The following TUT7 variants were observed in gnomAD, a reference collection of about 807,000 sequenced individuals.
The protein encoded by TUT7 is terminal uridylyltransferase 7.
In TUT7, 33 loss-of-function variants were observed where a neutral mutation model predicts 165.9. The ratio of observed to expected loss-of-function variants is 0.20; its 90% confidence interval spans 0.15 to 0.27. TUT7 has a LOEUF of 0.27. Among genes scored for constraint, TUT7 ranks in the 10% least tolerant of loss-of-function variants. The pLI, the probability that TUT7 is intolerant of heterozygous loss-of-function variation, is 1.00. For missense variants in TUT7, 1,338 were observed against 1,762.3 expected (o/e 0.76, Z 4.31); for synonymous variants, 552 against 608.1 (o/e 0.91, Z 1.36).
At chr9:86,299,034 C>T (rs1003404235) in intron 26 of TUT7, among the ~76,000 whole-genome samples, 2 of 152,176 alleles carry the variant, frequency 1.3e-5, no homozygotes, top group African/African-American at 4.8e-5. Flanking sequence ...CCACGCACCA[C>T]ACCCGCGCAG....
chr9:86,288,786 A>G (rs775872236), intron 26 of TUT7, 42 bp from the exon 27 acceptor site: 20 of 1,522,470 alleles, frequency 1.3e-5, no homozygotes, highest in Non-Finnish European at 1.7e-5. Flanking sequence ...AAATGAAACA[A>G]GCCTCGCTTT....
intron 14 of TUT7, among the ~76,000 whole-genome samples, 163 bp from the exon 15 acceptor site, chr9:86,319,833 T>C (rs565309314): frequency 1.3e-5 from 2 of 152,202 alleles, no homozygotes; most frequent in East Asian, 3.9e-4. Flanking sequence ...AGGTAAAGTT[T>C]GTTTTTTATT....
At chr9:86,325,283 G>A in intron 12 of TUT7, 51 bp downstream of exon 12, 2 of 1,559,436 alleles carry the variant, frequency 1.3e-6, no homozygotes, top group African/African-American at 1.4e-5. Context: ...TGTTAGACTG[G>A]TACCTTTAAA....
Position 86,308,567 on chromosome 9 carries a change from C to T in TUT7, c.3700G>A (p.Val1234Ile), listed in dbSNP as rs2131344082. 2 of 1,613,654 alleles carry T rather than the reference C, an allele frequency of 1.2e-6. No homozygotes were observed. The highest frequency in any genetic ancestry group is 8.5e-7 in the Non-Finnish European group (1 of 1,179,852). Reference sequence around the variant, plus strand: ...AGAAGGCCCAACCATAACTGCCCAACAGATTCTGTATTTTTTCCACATTCT... The same window carrying T: ...AGAAGGCCCAACCATAACTGCCCAATAGATTCTGTATTTTTTCCACATTCT... ...WSECGKNTES[V>I]GQLWLGLLRF... The change falls in exon 22 of 27, where the codon GTT becomes ATT. Residue 1234 changes from valine (V) to isoleucine (I), a missense_variant. Physicochemically the swap from Val to Ile is conservative, Grantham distance 29. This residue lies in a region of TUT7 where 157 missense variants were observed against 357.5 expected (regional missense o/e 0.44). Transcript: ENST00000375963.
intron 11 of TUT7, 117 bp downstream of exon 11, chr9:86,328,223 G>T: frequency 9.5e-7 from 1 of 1,047,728 alleles, no homozygotes; most frequent in Non-Finnish European, 1.3e-6. Context: ...AAACAGACTG[G>T]CAAATGAAAG....
chr9:86,294,041 C>T (rs1042736907), intron 26 of TUT7, among the ~76,000 whole-genome samples: 6 of 152,148 alleles, frequency 3.9e-5, no homozygotes, highest in African/African-American at 7.2e-5. Context: ...CCATGGCGCC[C>T]GGCCGCAAGG....
At chr9:86,344,717 G>GC (rs2131588632) in intron 5 of TUT7, among the ~76,000 whole-genome samples, 1 of 151,702 alleles carries the variant, frequency 6.6e-6, no homozygotes, top group South Asian at 2.1e-4. Flanking sequence ...GTCCCACAGT[G>GC]CCCCAATAAT....
intron 13 of TUT7, 72 bp downstream of exon 13, chr9:86,322,801 A>T: frequency 6.8e-7 from 1 of 1,477,534 alleles, no homozygotes; most frequent in Non-Finnish European, 9.0e-7. Context: ...CCTAGTATAT[A>T]AAAATTGAAA....
In TUT7 at chr9:86,323,172, GTTCTTCTTCCTCCTCCTCTTC is replaced by G; in HGVS notation, c.2557_2577del (p.Glu853_Glu859del). The G allele has an allele frequency of 1.9e-6, 3 of 1,614,136 alleles. No individual in the cohort carries two copies. The highest frequency in any genetic ancestry group is 2.5e-6 in the Non-Finnish European group (3 of 1,180,034). The stretch of plus-strand genomic sequence containing the variant: ...TCCCTTTGGTTAATGGTGAGCCTAG[GTTCTTCTTCCTCCTCCTCTTC>G]TTCGTCGTCCTCCTCCTCTTCATCA... On this transcript the variant is annotated inframe_deletion, in exon 13 of 27. Transcript: ENST00000375963.
At chr9:86,299,802 C>T (rs1826714285) in intron 26 of TUT7, among the ~76,000 whole-genome samples, 1 of 152,038 alleles carries the variant, frequency 6.6e-6, no homozygotes, top group South Asian at 2.1e-4. Flanking sequence ...CTTTGTTGTA[C>T]CAAAGAGGAA....
At position 86,287,788 on chromosome 9, in the gene TUT7, T is replaced by A. The variant is rs1417255563; in HGVS notation, c.*889A>T. The A allele has an allele frequency of 1.3e-5, 2 of 152,076 alleles. No individual in the cohort carries two copies. Among genetic ancestry groups the A allele is most frequent in the Non-Finnish European group, 2.9e-5 (2 of 68,028 alleles). 9.4% of individuals were successfully genotyped at this position (152,076 alleles called of 1,614,324 possible). On this transcript the variant is annotated 3_prime_UTR_variant, in exon 27 of 27. Coordinates refer to ENST00000375963, the MANE Select transcript of TUT7 (RefSeq NM_024617.4). Reference sequence around the variant, plus strand: ...AATGATAAATAAACCGAGGCATAGTTCTGACCAGGTACTATGTCTGCAGGG... The same window carrying A: ...AATGATAAATAAACCGAGGCATAGTACTGACCAGGTACTATGTCTGCAGGG...
chr9:86,291,469 A>G (rs1825887265), intron 26 of TUT7, among the ~76,000 whole-genome samples: 1 of 151,640 alleles, frequency 6.6e-6, no homozygotes, highest in Non-Finnish European at 1.5e-5. Context: ...CATTCGAGAG[A>G]CAGGAGGCAG....
intron 15 of TUT7, 38 bp from the exon 16 acceptor site, chr9:86,319,096 G>A: frequency 1.4e-6 from 2 of 1,439,632 alleles, no homozygotes; most frequent in Non-Finnish European, 1.9e-6. Context: ...CTAATTACCT[G>A]AGTACATTTA....
chr9:86,320,515 T>C (rs930648627), intron 14 of TUT7, among the ~76,000 whole-genome samples: 6 of 152,212 alleles, frequency 3.9e-5, no homozygotes, highest in Non-Finnish European at 8.8e-5. Context: ...AAATAATATT[T>C]CTCAGATACC....
At chr9:86,305,003 T>C (rs573589574) in intron 23 of TUT7, 56 bp from the exon 24 acceptor site, 2 of 1,366,562 alleles carry the variant, frequency 1.5e-6, no homozygotes, top group South Asian at 2.5e-5. Context: ...GAGATTGTAT[T>C]ACAAATGACA....
At chr9:86,307,068 C>G (rs1187325102) in intron 22 of TUT7, among the ~76,000 whole-genome samples, 1 of 152,090 alleles carries the variant, frequency 6.6e-6, no homozygotes, top group Admixed American at 6.5e-5. Flanking sequence ...CTGAGGAGTT[C>G]GAAACTAGCC....
intron 5 of TUT7, among the ~76,000 whole-genome samples, chr9:86,343,705 A>G (rs1030112557): frequency 6.6e-6 from 1 of 152,222 alleles, no homozygotes; most frequent in Non-Finnish European, 1.5e-5. Flanking sequence ...ATGAACAAAA[A>G]GCGTTTGCTG....
At chr9:86,331,164 C>T (rs552480013) in intron 10 of TUT7, among the ~76,000 whole-genome samples, 5 of 152,082 alleles carry the variant, frequency 3.3e-5, no homozygotes, top group African/African-American at 1.2e-4. Flanking sequence ...CAGCATAGGC[C>T]CTCCTCTGGG....
chr9:86,337,374 T>C, intron 10 of TUT7, 45 bp downstream of exon 10: 2 of 1,572,632 alleles, frequency 1.3e-6, no homozygotes, highest in Non-Finnish European at 8.6e-7. Flanking sequence ...TGTGGACCTG[T>C]AATAAAATCT....
Sources: gnomAD v4.1 joint callset for allele counts (sites outside exome capture counted in the v4.1 genomes callset) on GRCh38, gnomAD v4.1.1 for gene constraint, gnomAD v4.1.1 regional missense constraint, MANE v1.5 for transcripts, NCBI Gene and HGNC (gene_info 2026-07-23, HGNC 2026-07-21) for gene names.